Variants in C8orf34 observed in about 807,000 individuals in gnomAD.
The protein encoded by C8orf34 is chromosome 8 open reading frame 34, also known as uncharacterized protein C8orf34.
A neutral mutation model predicts 68.3 loss-of-function variants in C8orf34; 65 were observed. The observed-to-expected ratio is 0.95, with a 90% CI of 0.78 to 1.17. C8orf34 has a LOEUF of 1.17. Ranked by LOEUF, C8orf34 falls within the 50% of genes most tolerant of loss-of-function variation. C8orf34 has a pLI of 0.00. For missense variants in C8orf34, 664 were observed against 655.4 expected, an observed-to-expected ratio of 1.01 and a Z score of -0.14; for synonymous variants, 244 against 241.2, an observed-to-expected ratio of 1.01 and a Z score of -0.11.
At chr8:68,449,703 A>G (rs922746836) in intron 3 of C8orf34, among the ~76,000 whole-genome samples, 1 of 152,142 alleles carries the variant, frequency 6.6e-6, no homozygotes, top group Non-Finnish European at 1.5e-5. Context: ...CTTTATTGCC[A>G]AAGATTCGAA....
intron 7 of C8orf34, among the ~76,000 whole-genome samples, chr8:68,589,803 G>A (rs1320332911): frequency 7.0e-6 from 1 of 142,996 alleles, no homozygotes; most frequent in African/African-American, 2.8e-5. Context: ...AAGGGAATCA[G>A]GAAGGAGGGA....
At chr8:68,732,896 C>T (rs548930918) in intron 10 of C8orf34, among the ~76,000 whole-genome samples, 1 of 152,126 alleles carries the variant, frequency 6.6e-6, no homozygotes, top group Admixed American at 6.5e-5. Flanking sequence ...AACCCCATCT[C>T]TACTAAAAAT....
chr8:68,727,796 A>C (rs565705825), intron 10 of C8orf34, among the ~76,000 whole-genome samples: 1 of 152,260 alleles, frequency 6.6e-6, no homozygotes, highest in South Asian at 2.1e-4. Flanking sequence ...AGCAGGTGGG[A>C]CACAGGGCAC....
At chr8:68,668,492 GTC>G (rs747082346) in intron 8 of C8orf34, among the ~76,000 whole-genome samples, 17 of 152,270 alleles carry the variant, frequency 1.1e-4, no homozygotes, top group Non-Finnish European at 1.9e-4. Context: ...AAAATGGAAA[GTC>G]TGATTCCTAG....
chr8:68,454,233 TGG>T (rs1811459205), intron 3 of C8orf34, among the ~76,000 whole-genome samples: 1 of 152,108 alleles, frequency 6.6e-6, no homozygotes, highest in African/African-American at 2.4e-5. Flanking sequence ...TCTTCTTTTC[TGG>T]TAATGTCTTT....
At chr8:68,574,137 T>G (rs1231724337) in intron 7 of C8orf34, among the ~76,000 whole-genome samples, 1 of 152,140 alleles carries the variant, frequency 6.6e-6, no homozygotes, top group Non-Finnish European at 1.5e-5. Flanking sequence ...CTATCAGATC[T>G]TTTTGATTTT....
chr8:68,628,377 G>A (rs1434928), intron 7 of C8orf34, among the ~76,000 whole-genome samples: 102,239 of 151,906 alleles, frequency 0.67, 34,832 homozygotes, highest in African/African-American at 0.75. Context: ...TCTTTCCTTC[G>A]TCTTTCAACC....
At chr8:68,591,725 T>C (rs551278248) in intron 7 of C8orf34, among the ~76,000 whole-genome samples, 1 of 152,352 alleles carries the variant, frequency 6.6e-6, no homozygotes, top group African/African-American at 2.4e-5. Flanking sequence ...TAACTGCTCT[T>C]ACATGACATG....
intron 9 of C8orf34, among the ~76,000 whole-genome samples, chr8:68,720,160 C>T (rs1452830410): frequency 6.6e-6 from 1 of 151,860 alleles, no homozygotes. Flanking sequence ...TTTAAATTCA[C>T]CTATAATTTG....
chr8:68,333,790 C>A (rs1805731359), intron 1 of C8orf34, among the ~76,000 whole-genome samples: 1 of 152,190 alleles, frequency 6.6e-6, no homozygotes, highest in South Asian at 2.1e-4. Flanking sequence ...GAGCTAAAAT[C>A]TCCTTTTACC....
intron 8 of C8orf34, among the ~76,000 whole-genome samples, chr8:68,672,767 A>G (rs559866554): frequency 3.3e-5 from 5 of 152,288 alleles, no homozygotes; most frequent in African/African-American, 1.2e-4. Flanking sequence ...GGGGCATGCA[A>G]TCTAGTGAGA....
rs145515521 is a variant in C8orf34 at position 68,697,933 on chromosome 8, A to G, written c.1242-11061A>G. 5.9e-3 allele frequency among the ~76,000 whole-genome samples: 891 copies of G among 152,202 alleles called. 6 individuals are homozygous for G. Among genetic ancestry groups the G allele is most frequent in the African/African-American group, 0.021 (855 of 41,538 alleles). ...CTCACTTTCCTTAGGCTGCAACCTC[A>G]GGACACAGTTGTTTTAGAACTCTAC... On this transcript the variant is annotated intron_variant, in intron 8 of 13. Transcript: ENST00000518698.
intron 5 of C8orf34, among the ~76,000 whole-genome samples, chr8:68,507,139 G>C (rs1205222490): frequency 6.6e-6 from 1 of 152,104 alleles, no homozygotes; most frequent in Non-Finnish European, 1.5e-5. Context: ...TGACAATAAA[G>C]TCATGCAAAT....
intron 1 of C8orf34, among the ~76,000 whole-genome samples, chr8:68,399,716 G>C (rs548403450): frequency 6.6e-6 from 1 of 152,248 alleles, no homozygotes; most frequent in East Asian, 1.9e-4. Context: ...TCTATTTTCA[G>C]TTCTTTCAGA....
At chr8:68,641,893 T>C (rs1042805334) in intron 8 of C8orf34, among the ~76,000 whole-genome samples, 2 of 152,212 alleles carry the variant, frequency 1.3e-5, no homozygotes, top group African/African-American at 4.8e-5. Flanking sequence ...CAAAAAATAT[T>C]CAACGGAATA....
intron 1 of C8orf34, among the ~76,000 whole-genome samples, chr8:68,433,913 T>G (rs1180550593): frequency 6.6e-6 from 1 of 152,174 alleles, no homozygotes; most frequent in Non-Finnish European, 1.5e-5. Flanking sequence ...GAGACGATCA[T>G]TGTTACTAGT....
intron 8 of C8orf34, among the ~76,000 whole-genome samples, chr8:68,698,815 G>A (rs1820907747): frequency 6.6e-6 from 1 of 152,064 alleles, no homozygotes; most frequent in East Asian, 1.9e-4. Flanking sequence ...CCTCATATTT[G>A]GGAAGAAAAT....
Position 68,672,867 on chromosome 8 carries a change from C to A in C8orf34, c.1241+32356C>A, listed in dbSNP as rs550017113. 2.1e-4 allele frequency among the ~76,000 whole-genome samples: 32 copies of A among 152,286 alleles called. No homozygotes were observed. In the South Asian group the frequency reaches 6.4e-3, roughly 31 times the overall value. ...TGCAGCTCTTGGAAAGACACCTCCC[C>A]TCCACTTGAGGAGAGAAGAGGGAAG... On this transcript the variant is annotated intron_variant, in intron 8 of 13. Transcript: ENST00000518698.
chr8:68,811,459 C>T (rs1468293098), intron 12 of C8orf34, among the ~76,000 whole-genome samples: 1 of 152,318 alleles, frequency 6.6e-6, no homozygotes, highest in South Asian at 2.1e-4. Context: ...CCAACTCAGA[C>T]GCAGGCAGCT....
Sources: gnomAD v4.1 joint callset for allele counts (sites outside exome capture counted in the v4.1 genomes callset) on GRCh38, gnomAD v4.1.1 for gene constraint, MANE v1.5 for transcripts, NCBI Gene and HGNC (gene_info 2026-07-23, HGNC 2026-07-21) for gene names.